Variants in ZRANB1 observed in about 807,000 individuals in gnomAD.
ZRANB1 encodes the protein zinc finger RANBP2-type containing 1.
ZRANB1 carries 16 observed loss-of-function variants against 80.5 expected under a neutral mutation model. The ratio of observed to expected loss-of-function variants is 0.20; its 90% CI spans 0.13 to 0.30. The LOEUF is 0.30. Ranked by LOEUF, ZRANB1 falls within the 10% of genes least tolerant of loss-of-function variation. The pLI is 1.00. For synonymous variants in ZRANB1, 291 were observed against 293.1 expected, an observed-to-expected ratio of 0.99 and a Z score of 0.07; for missense variants, 576 against 862.6, an observed-to-expected ratio of 0.67 and a Z score of 4.16.
intron 1 of ZRANB1, among the ~76,000 whole-genome samples, chr10:124,958,687 T>C (rs878972393): frequency 1.2e-4 from 19 of 152,244 alleles, no homozygotes; most frequent in African/African-American, 4.3e-4. Context: ...ATTAACCTGT[T>C]CTTTATTAGC....
chr10:124,964,719 A>G (rs189255863), intron 1 of ZRANB1, among the ~76,000 whole-genome samples: 222 of 152,348 alleles, frequency 1.5e-3, no homozygotes, highest in African/African-American at 5.1e-3. Context: ...TTGTAAGTAG[A>G]TAATATTTTT....
At chr10:124,928,650 C>G in the ZRANB1 span, among the ~76,000 whole-genome samples, 1 of 152,200 alleles carries the variant, frequency 6.6e-6, no homozygotes, top group Non-Finnish European at 1.5e-5. Flanking sequence ...CATTGTTAAA[C>G]GTATACGAAA....
chr10:124,924,486 C>T, the ZRANB1 span, among the ~76,000 whole-genome samples: 4 of 152,056 alleles, frequency 2.6e-5, no homozygotes, highest in East Asian at 1.9e-4. Context: ...GAGTCATTTC[C>T]GCCTTGCCTC....
intron 1 of ZRANB1, among the ~76,000 whole-genome samples, chr10:124,949,316 C>T (rs1230134418): frequency 6.6e-6 from 1 of 151,778 alleles, no homozygotes; most frequent in African/African-American, 2.4e-5. Flanking sequence ...CTGCATCTTT[C>T]TTAAGTTTAG....
intron 2 of ZRANB1, among the ~76,000 whole-genome samples, chr10:124,967,043 C>A (rs1449131404): frequency 2.0e-5 from 3 of 152,160 alleles, no homozygotes; most frequent in Admixed American, 6.5e-5. Flanking sequence ...TTTAGTCATT[C>A]AATTAACAGA....
chr10:124,923,519 G>A, the ZRANB1 span, among the ~76,000 whole-genome samples: 1 of 151,998 alleles, frequency 6.6e-6, no homozygotes, highest in African/African-American at 2.4e-5. Context: ...TTGAACCCAG[G>A]AGGTGGAGGT....
chr10:124,922,397 C>G, the ZRANB1 span, among the ~76,000 whole-genome samples: 5 of 149,046 alleles, frequency 3.4e-5, no homozygotes, highest in South Asian at 6.3e-4. Context: ...ATGATCACAA[C>G]TCACTGCAGC....
In ZRANB1 at chr10:124,942,316, T is replaced by C. The variant is rs1283979930; in HGVS notation, c.-178T>C. 5.7e-6 allele frequency: 8 copies of C among 1,413,792 alleles called. No individual in the cohort carries two copies. The highest frequency in any genetic ancestry group is 7.3e-6 in the Non-Finnish European group (8 of 1,088,866). 87.6% of individuals were successfully genotyped at this position (1,413,792 alleles called of 1,614,324 possible). ...TTTCTATGGAAATTAAAAAAGAAAATTAGGATAATTCAATGTCGAAATGTT... is the reference window on the plus strand; with the variant it reads ...TTTCTATGGAAATTAAAAAAGAAAACTAGGATAATTCAATGTCGAAATGTT... On this transcript the variant is annotated 5_prime_UTR_variant, in exon 1 of 9. Coordinates refer to ENST00000359653, the MANE Select transcript of ZRANB1 (RefSeq NM_017580.3).
chr10:124,918,031 G>T, the ZRANB1 span, among the ~76,000 whole-genome samples: 1 of 152,118 alleles, frequency 6.6e-6, no homozygotes, highest in African/African-American at 2.4e-5. Context: ...TCTTGCTGAG[G>T]ATATTGTATT....
At chr10:124,933,286 G>A in the ZRANB1 span, among the ~76,000 whole-genome samples, 372 of 151,590 alleles carry the variant, frequency 2.5e-3, no homozygotes, top group Non-Finnish European at 3.9e-3. Context: ...ACAGGTGCGC[G>A]CCACCATGCC....
rs768252701 is a variant in ZRANB1 at position 124,971,994 on chromosome 10, A to G, written c.1032A>G (p.Pro344=). Residue 344 remains proline (P), a synonymous_variant, in exon 3 of 9, where the codon CCA becomes CCG. Transcript: ENST00000359653. ...CTCAACAAGCAGCAAAGTGTATTCC[A>G]GCAATGGTGTGTCCTGAACTGACAG... is the stretch of plus-strand genomic sequence containing the variant. The part of the protein sequence containing the change: ...EVSQQAAKCI[P]AMVCPELTEQ... 1.9e-6 allele frequency: 3 copies of G among 1,607,266 alleles called. No homozygotes were observed. The Admixed American group carries it at 5.1e-5, about 27-fold the overall frequency.
intron 1 of ZRANB1, among the ~76,000 whole-genome samples, chr10:124,955,737 A>G (rs1489126671): frequency 6.6e-6 from 1 of 152,178 alleles, no homozygotes; most frequent in Non-Finnish European, 1.5e-5. Flanking sequence ...GGAACACTGG[A>G]TATAAAATAA....
intron 1 of ZRANB1, among the ~76,000 whole-genome samples, chr10:124,946,693 A>G (rs10901842): frequency 0.62 from 94,883 of 151,994 alleles, 31,971 homozygotes; most frequent in Non-Finnish European, 0.75. Flanking sequence ...GCCTGTTTCT[A>G]TGGGATAGCC....
At chr10:124,929,898 A>G in the ZRANB1 span, among the ~76,000 whole-genome samples, 7 of 146,454 alleles carry the variant, frequency 4.8e-5, no homozygotes, top group Non-Finnish European at 8.9e-5. Flanking sequence ...GTGAGGTGAG[A>G]TCTGCCATCG....
At chr10:124,954,435 G>A (rs1589844367) in intron 1 of ZRANB1, among the ~76,000 whole-genome samples, 1 of 149,084 alleles carries the variant, frequency 6.7e-6, no homozygotes, top group African/African-American at 2.5e-5. Flanking sequence ...GTTAAAAATG[G>A]TACATTAAAA....
At chr10:124,936,438 T>C in the ZRANB1 span, among the ~76,000 whole-genome samples, 2 of 152,194 alleles carry the variant, frequency 1.3e-5, no homozygotes, top group African/African-American at 4.8e-5. Flanking sequence ...TGCAGAGGTA[T>C]TAATAGTGTC....
chr10:124,922,101 C>T, the ZRANB1 span, among the ~76,000 whole-genome samples: 2 of 151,448 alleles, frequency 1.3e-5, no homozygotes, highest in Admixed American at 6.6e-5. Flanking sequence ...ACCATTGTGC[C>T]TGGCTTTTTA....
the ZRANB1 span, among the ~76,000 whole-genome samples, chr10:124,921,131 TA>T: frequency 6.6e-6 from 1 of 152,230 alleles, no homozygotes; most frequent in Admixed American, 6.5e-5. Context: ...ATTATTAAAA[TA>T]AAAATTAAAT....
chr10:124,950,650 G>A (rs1268701751), intron 1 of ZRANB1, among the ~76,000 whole-genome samples: 1 of 152,138 alleles, frequency 6.6e-6, no homozygotes, highest in Admixed American at 6.5e-5. Context: ...AGAGTGCCAA[G>A]TGTAACTCTA....
Sources: gnomAD v4.1 joint callset for allele counts (sites outside exome capture counted in the v4.1 genomes callset) on GRCh38, gnomAD v4.1.1 for gene constraint, MANE v1.5 for transcripts, NCBI Gene and HGNC (gene_info 2026-07-23, HGNC 2026-07-21) for gene names.